The following PRKAR1A variants were observed in gnomAD, a reference collection of about 807,000 sequenced individuals.
The protein encoded by PRKAR1A is protein kinase cAMP-dependent type I regulatory subunit alpha.
Under a neutral mutation model 52.0 loss-of-function variants are expected in PRKAR1A, and 3 were observed. The ratio of observed to expected loss-of-function variants is 0.06; its 90% CI spans 0.03 to 0.15. PRKAR1A has a LOEUF of 0.15. Ranked by LOEUF, PRKAR1A falls within the 10% of genes least tolerant of loss-of-function variation. The pLI is 1.00. For missense variants in PRKAR1A, 240 were observed against 477.4 expected, an observed-to-expected ratio of 0.50 and a Z score of 4.63; for synonymous variants, 188 against 168.4, an observed-to-expected ratio of 1.12 and a Z score of -0.90.
At chr17:68,429,786 A>C in the PRKAR1A span, among the ~76,000 whole-genome samples, 1 of 152,074 alleles carries the variant, frequency 6.6e-6, no homozygotes, top group African/African-American at 2.4e-5. Context: ...ACGGGATTTC[A>C]CCACGTTGGC....
At chr17:68,422,023 T>C in the PRKAR1A span, 1 of 605,786 alleles carries the variant, frequency 1.7e-6, no homozygotes. Context: ...TTCTAGAAAA[T>C]ACTGACTATA....
chr17:68,525,665 T>C (rs2085766344), intron 6 of PRKAR1A, 89 bp from the exon 7 acceptor site: 9 of 1,388,788 alleles, frequency 6.5e-6, no homozygotes, highest in Middle Eastern at 3.7e-4. Flanking sequence ...AAGTTCAGGA[T>C]TGTGACCTTT....
chr17:68,457,225 C>T, the PRKAR1A span: 3 of 1,249,238 alleles, frequency 2.4e-6, no homozygotes, highest in Non-Finnish European at 3.3e-6. Context: ...AAGCAGACAC[C>T]GGCCCTCCCG....
At chr17:68,495,952 T>TCCTCTC in the PRKAR1A span, among the ~76,000 whole-genome samples, 2 of 95,982 alleles carry the variant, frequency 2.1e-5, no homozygotes, top group Non-Finnish European at 2.1e-5. Context: ...TTCCTTTCCT[T>TCCTCTC]TCCTCTCCTC....
the PRKAR1A span, chr17:68,436,314 T>A: frequency 6.9e-7 from 1 of 1,457,892 alleles, no homozygotes; most frequent in Non-Finnish European, 9.6e-7. Flanking sequence ...GGCGTCCTTA[T>A]CTATCTCCTT....
the PRKAR1A span, among the ~76,000 whole-genome samples, chr17:68,467,678 G>A: frequency 2.0e-5 from 3 of 152,120 alleles, no homozygotes; most frequent in African/African-American, 4.8e-5. Flanking sequence ...AAGCTCAAAT[G>A]GGAGTTCAAG....
the PRKAR1A span, among the ~76,000 whole-genome samples, chr17:68,486,447 T>C: frequency 1.4e-5 from 2 of 145,784 alleles, no homozygotes; most frequent in Non-Finnish European, 3.0e-5. Context: ...CCTTCCTTCC[T>C]TCCCTCTTTC....
At chr17:68,539,509 G>T in intron 11 of PRKAR1A, 8 of 945,860 alleles carry the variant, frequency 8.5e-6, no homozygotes, top group Non-Finnish European at 1.4e-5. Context: ...AAAATGCCAG[G>T]GATCATGGCA....
At chr17:68,448,921 T>A in the PRKAR1A span, among the ~76,000 whole-genome samples, 1 of 152,220 alleles carries the variant, frequency 6.6e-6, no homozygotes, top group Non-Finnish European at 1.5e-5. Flanking sequence ...TTCTTACTCC[T>A]GCTACTCCCT....
At chr17:68,442,772 CCA>C in the PRKAR1A span, among the ~76,000 whole-genome samples, 8 of 152,134 alleles carry the variant, frequency 5.3e-5, no homozygotes, top group Non-Finnish European at 1.2e-4. Context: ...TGTCCGCACC[CCA>C]GAGTTAAACA....
At chr17:68,474,464 C>T in the PRKAR1A span, among the ~76,000 whole-genome samples, 1 of 152,180 alleles carries the variant, frequency 6.6e-6, no homozygotes, top group Non-Finnish European at 1.5e-5. Flanking sequence ...GCTTGATCTC[C>T]GGTTGTCTGA....
chr17:68,431,388 C>T, the PRKAR1A span, among the ~76,000 whole-genome samples: 37 of 151,904 alleles, frequency 2.4e-4, no homozygotes, highest in Non-Finnish European at 3.4e-4. Context: ...CGGCACGTGG[C>T]GCATACTGTT....
At chr17:68,467,269 T>C in the PRKAR1A span, among the ~76,000 whole-genome samples, 1 of 152,228 alleles carries the variant, frequency 6.6e-6, no homozygotes, top group Non-Finnish European at 1.5e-5. Flanking sequence ...GAGAACACTC[T>C]GAACTCCTAG....
the PRKAR1A span, chr17:68,428,971 A>G: frequency 2.6e-6 from 4 of 1,527,870 alleles, no homozygotes; most frequent in Non-Finnish European, 3.6e-6. Flanking sequence ...CGTGATGACA[A>G]CGAAGATGGG....
Position 68,532,384 on chromosome 17 carries a change from T to C in PRKAR1A, c.*1935T>C, listed in dbSNP as rs2086000516. The C allele has an allele frequency of 9.5e-7, 1 of 1,057,050 alleles. No individual in the cohort carries two copies. Among genetic ancestry groups the C allele is most frequent in the East Asian group, 5.0e-5 (1 of 19,870 alleles). The allele number at this position is 1,057,050 out of a possible 1,614,324, so 65.5% of individuals were successfully genotyped here. On this transcript the variant is annotated 3_prime_UTR_variant, in exon 11 of 11. Coordinates refer to ENST00000589228, the MANE Select transcript of PRKAR1A (RefSeq NM_002734.5). ...ATAATGCTTTCTGAGTGAGTTTTAC[T>C]CTTAAATCATTTGGTTAAATCATTT...
At chr17:68,420,024 C>A in the PRKAR1A span, among the ~76,000 whole-genome samples, 224 of 152,072 alleles carry the variant, frequency 1.5e-3, no homozygotes, top group African/African-American at 5.2e-3. Flanking sequence ...CTGGAAGGAG[C>A]AAATAGATTC....
upstream of PRKAR1A, among the ~76,000 whole-genome samples, chr17:68,508,090 T>C (rs1200697713): frequency 1.3e-5 from 2 of 152,198 alleles, no homozygotes; most frequent in African/African-American, 4.8e-5. Context: ...TGAGGTTCCC[T>C]GAGGAAGAAG....
At chr17:68,432,260 T>C in the PRKAR1A span, among the ~76,000 whole-genome samples, 885 of 152,252 alleles carry the variant, frequency 5.8e-3, 4 homozygotes, top group Middle Eastern at 0.01. Context: ...GTCAGTCCCA[T>C]GGCTGTGATA....
chr17:68,520,733 A>T (rs1350565232), intron 2 of PRKAR1A, among the ~76,000 whole-genome samples: 1 of 152,200 alleles, frequency 6.6e-6, no homozygotes, highest in South Asian at 2.1e-4. Context: ...TAAAAGACTC[A>T]CTAGAATCCA....
Sources: gnomAD v4.1 joint callset for allele counts (sites outside exome capture counted in the v4.1 genomes callset) on GRCh38, gnomAD v4.1.1 for gene constraint, MANE v1.5 for transcripts, NCBI Gene and HGNC (gene_info 2026-07-23, HGNC 2026-07-21) for gene names.